Variants in RIT2 observed in about 807,000 individuals in gnomAD.
The protein encoded by RIT2 is Ras like without CAAX 2.
A neutral mutation model predicts 23.7 loss-of-function variants in RIT2; 24 were observed. The ratio of observed to expected loss-of-function variants is 1.01; its 90% CI spans 0.73 to 1.43. RIT2 has a LOEUF of 1.43. Among genes scored for constraint, RIT2 ranks in the 40% most tolerant of loss-of-function variants. The pLI is 0.00. For missense variants in RIT2, 236 were observed against 266.9 expected, an observed-to-expected ratio of 0.88 and a Z score of 0.81; for synonymous variants, 107 against 91.1, an observed-to-expected ratio of 1.17 and a Z score of -0.99.
chr18:42,949,089 A>G (rs556466563), intron 3 of RIT2: 56 of 397,490 alleles, frequency 1.4e-4, no homozygotes, highest in African/African-American at 1.1e-3. Context: ...AGCAATACTT[A>G]GAACTTGGAG....
chr18:42,751,085 A>G (rs1023272773), intron 4 of RIT2, among the ~76,000 whole-genome samples: 1 of 151,874 alleles, frequency 6.6e-6, no homozygotes, highest in Non-Finnish European at 1.5e-5. Flanking sequence ...AAAGATCAAC[A>G]TATCTATGGA....
chr18:42,801,448 A>G (rs1296391962), intron 4 of RIT2, among the ~76,000 whole-genome samples: 1 of 152,208 alleles, frequency 6.6e-6, no homozygotes, highest in Non-Finnish European at 1.5e-5. Context: ...AACTGGAAAT[A>G]CCCTGGGAAT....
At chr18:43,050,884 T>A (rs1361763070) in intron 1 of RIT2, among the ~76,000 whole-genome samples, 1 of 152,138 alleles carries the variant, frequency 6.6e-6, no homozygotes, top group Non-Finnish European at 1.5e-5. Context: ...TACTTTGCCC[T>A]ACGTGTCTCT....
rs371437493 is a variant in RIT2 at position 42,822,755 on chromosome 18, A to C, written c.427-79035T>G. On this transcript the variant is annotated intron_variant, in intron 4 of 4. Coordinates refer to ENST00000326695, the MANE Select transcript of RIT2 (RefSeq NM_002930.4). ...AATGACACCATGTCTTTGAAACCACACAAAAATGCATAAAGTACTATGCAA... is the reference window on the plus strand; with the variant it reads ...AATGACACCATGTCTTTGAAACCACCCAAAAATGCATAAAGTACTATGCAA... 2.0e-5 allele frequency among the ~76,000 whole-genome samples: 3 copies of C among 152,290 alleles called. No individual in the cohort carries two copies. The South Asian group carries it at 6.2e-4, about 32-fold the overall frequency.
chr18:42,983,524 C>G (rs1448080109), intron 2 of RIT2, among the ~76,000 whole-genome samples: 1 of 151,968 alleles, frequency 6.6e-6, no homozygotes, highest in African/African-American at 2.4e-5. Flanking sequence ...AAATCAATAT[C>G]TTTTACTCTA....
At chr18:42,906,378 A>G (rs996699442) in intron 4 of RIT2, among the ~76,000 whole-genome samples, 1 of 152,192 alleles carries the variant, frequency 6.6e-6, no homozygotes. Flanking sequence ...GAATCATAAA[A>G]CTGCTTAAAT....
At chr18:42,853,440 A>G (rs982536809) in intron 4 of RIT2, among the ~76,000 whole-genome samples, 5 of 152,246 alleles carry the variant, frequency 3.3e-5, no homozygotes, top group Admixed American at 2.0e-4. Context: ...GAATAAATTA[A>G]TAAAATATTC....
chr18:42,932,569 A>G (rs929338237), intron 3 of RIT2, among the ~76,000 whole-genome samples: 3 of 152,172 alleles, frequency 2.0e-5, no homozygotes, highest in African/African-American at 7.2e-5. Flanking sequence ...GCCTGATCAT[A>G]AAAGCTGTCT....
chr18:42,838,289 C>T (rs1906671820), intron 4 of RIT2, among the ~76,000 whole-genome samples: 1 of 152,064 alleles, frequency 6.6e-6, no homozygotes, highest in Non-Finnish European at 1.5e-5. Flanking sequence ...AATAGCCCTT[C>T]TACTTTTTCA....
intron 4 of RIT2, among the ~76,000 whole-genome samples, chr18:42,842,992 T>C (rs1418015675): frequency 6.6e-6 from 1 of 152,214 alleles, no homozygotes; most frequent in Non-Finnish European, 1.5e-5. Flanking sequence ...GTAATATTTC[T>C]ATTATTATGT....
At chr18:42,878,593 GTGTGTA>G (rs950646123) in intron 4 of RIT2, among the ~76,000 whole-genome samples, 7 of 147,614 alleles carry the variant, frequency 4.7e-5, no homozygotes, top group African/African-American at 9.9e-5. Context: ...GTGTGTGTGT[GTGTGTA>G]TGTGTGTATA....
At chr18:43,004,202 C>G (rs1911175256) in intron 2 of RIT2, among the ~76,000 whole-genome samples, 1 of 151,756 alleles carries the variant, frequency 6.6e-6, no homozygotes, top group Non-Finnish European at 1.5e-5. Flanking sequence ...AGTGGGGACC[C>G]TAATGAATAA....
intron 4 of RIT2, among the ~76,000 whole-genome samples, chr18:42,792,338 C>T (rs985577284): frequency 1.3e-5 from 2 of 152,098 alleles, no homozygotes; most frequent in African/African-American, 2.4e-5. Flanking sequence ...GGCATCAGAG[C>T]TTAGTACACG....
chr18:43,051,386 T>C (rs1244973411), intron 1 of RIT2, among the ~76,000 whole-genome samples: 1 of 151,992 alleles, frequency 6.6e-6, no homozygotes, highest in Non-Finnish European at 1.5e-5. Context: ...ACTGATCGAA[T>C]AGATGAGGTA....
At chr18:42,785,910 T>A (rs969904349) in intron 4 of RIT2, among the ~76,000 whole-genome samples, 6 of 152,194 alleles carry the variant, frequency 3.9e-5, no homozygotes, top group African/African-American at 1.4e-4. Context: ...ACACAGTTTA[T>A]CCTTGAGTAG....
chr18:42,778,966 C>A (rs1913742893), intron 4 of RIT2, among the ~76,000 whole-genome samples: 1 of 152,130 alleles, frequency 6.6e-6, no homozygotes, highest in African/African-American at 2.4e-5. Flanking sequence ...ACTATGAACT[C>A]TTTTCGATTT....
At chr18:43,038,563 G>T (rs1912044881) in intron 1 of RIT2, among the ~76,000 whole-genome samples, 1 of 151,868 alleles carries the variant, frequency 6.6e-6, no homozygotes, top group South Asian at 2.1e-4. Context: ...AGATGATTTT[G>T]TCTTTTCCTA....
intron 4 of RIT2, among the ~76,000 whole-genome samples, chr18:42,773,038 A>G (rs1465059357): frequency 3.3e-5 from 5 of 152,174 alleles, no homozygotes; most frequent in South Asian, 4.1e-4. Context: ...CTTAAGCCAT[A>G]TTAAAAAGGC....
At chr18:43,112,061 G>A (rs796525182) in intron 1 of RIT2, among the ~76,000 whole-genome samples, 10 of 151,912 alleles carry the variant, frequency 6.6e-5, no homozygotes, top group East Asian at 3.9e-4. Context: ...AGATTAAAGC[G>A]GCATAGATGT....
Sources: allele counts gnomAD v4.1 joint callset (sites outside exome capture counted in the v4.1 genomes callset), GRCh38; gene constraint gnomAD v4.1.1; transcripts MANE v1.5; gene names NCBI Gene and HGNC (gene_info 2026-07-23, HGNC 2026-07-21).